ADNP2: variants seen among roughly 807,000 people sequenced by gnomAD.
ADNP2 encodes the protein ADNP homeobox 2, also known as activity-dependent neuroprotector homeobox protein 2.
Under a neutral mutation model 16.4 loss-of-function variants are expected in ADNP2, and 8 were observed. The ratio of observed to expected loss-of-function variants is 0.49; its 90% CI spans 0.29 to 0.88. ADNP2 has a LOEUF of 0.88. ADNP2 is among the 40% of genes least tolerant of loss of function. The probability of loss-of-function intolerance (pLI) is 0.09; values close to 1 mark genes in which losing one functional copy is unlikely to be tolerated. For synonymous variants in ADNP2, 637 were observed against 545.8 expected, an observed-to-expected ratio of 1.17 and a Z score of -2.33; for missense variants, 1,397 against 1,395.1, an observed-to-expected ratio of 1.00 and a Z score of -0.02.
chr18:80,139,856 A>G lies in ADNP2; in HGVS notation c.*1047A>G, dbSNP rs1281736996. 3 of 152,222 alleles carry G rather than the reference A, an allele frequency of 2.0e-5. No homozygotes were observed. The highest frequency in any genetic ancestry group is 7.2e-5 in the African/African-American group (3 of 41,442). 9.4% of individuals were successfully genotyped at this position (152,222 alleles called of 1,614,324 possible). A position where few individuals can be genotyped will look rare whatever the true frequency, so the allele number is the denominator to read the frequency against. On this transcript the variant is annotated 3_prime_UTR_variant, in exon 4 of 4. Transcript: ENST00000262198. ...TCTTTGACCACATTTTCTGAAGGTC[A>G]TGTTTAGTGGAGAAACGGGCTTTTC...
intron 1 of ADNP2, among the ~76,000 whole-genome samples, chr18:80,115,151 A>G (rs2052381229): frequency 6.6e-6 from 1 of 152,168 alleles, no homozygotes; most frequent in Non-Finnish European, 1.5e-5. Context: ...GTGTGTTTGG[A>G]AAATTCACTT....
chr18:80,136,037 G>A lies in ADNP2; in HGVS notation c.624G>A (p.Lys208=). 2 of 1,614,224 alleles carry A rather than the reference G, an allele frequency of 1.2e-6. No homozygotes were observed. The highest frequency in any genetic ancestry group is 8.5e-7 in the Non-Finnish European group (1 of 1,180,058). The change falls in exon 4 of 4, where the codon AAG becomes AAA. Residue 208 remains lysine, a synonymous_variant. Coordinates refer to ENST00000262198, the MANE Select transcript of ADNP2 (RefSeq NM_014913.4). ...PKTNDTVSIE[K]IPPPDKYYCK... Reference sequence around the variant, plus strand: ...CTAACGATACTGTTTCTATAGAGAAGATCCCACCACCTGACAAATATTACT... The same window carrying A: ...CTAACGATACTGTTTCTATAGAGAAAATCCCACCACCTGACAAATATTACT...
chr18:80,126,753 A>G (rs182105808), intron 2 of ADNP2, among the ~76,000 whole-genome samples: 1 of 152,194 alleles, frequency 6.6e-6, no homozygotes, highest in Admixed American at 6.5e-5. Context: ...TCAGATTTGG[A>G]AAATTTTGTG....
intron 2 of ADNP2, among the ~76,000 whole-genome samples, chr18:80,119,078 T>A (rs981679505): frequency 6.6e-6 from 1 of 152,232 alleles, no homozygotes; most frequent in African/African-American, 2.4e-5. Flanking sequence ...TATAGATTTT[T>A]AAAAACGGGA....
chr18:80,139,022 G>A lies in ADNP2; in HGVS notation c.*213G>A, dbSNP rs1171527930. The A allele has an allele frequency of 2.4e-6, 1 of 417,656 alleles. No individual in the cohort carries two copies. The highest frequency in any genetic ancestry group is 2.0e-5 in the African/African-American group (1 of 48,804). 25.9% of individuals were successfully genotyped at this position (417,656 alleles called of 1,614,324 possible). Reference sequence around the variant, plus strand: ...GTTTCCTGCAGTTTGATTTGTAACAGAACAGTTGTTTTCAGGTTTTTTTCT... The same window carrying A: ...GTTTCCTGCAGTTTGATTTGTAACAAAACAGTTGTTTTCAGGTTTTTTTCT... On this transcript the variant is annotated 3_prime_UTR_variant, in exon 4 of 4. Coordinates refer to ENST00000262198, the MANE Select transcript of ADNP2 (RefSeq NM_014913.4).
At chr18:80,119,733 T>C (rs906301442) in intron 2 of ADNP2, among the ~76,000 whole-genome samples, 4 of 152,236 alleles carry the variant, frequency 2.6e-5, no homozygotes, top group African/African-American at 9.6e-5. Flanking sequence ...AGAAACTCTT[T>C]AGGAGTTGTT....
intron 2 of ADNP2, among the ~76,000 whole-genome samples, chr18:80,119,461 TAG>T (rs372823423): frequency 6.6e-5 from 10 of 150,696 alleles, no homozygotes; most frequent in African/African-American, 2.4e-4. Context: ...ACCAACCCTG[TAG>T]AGAGAAAGAA....
At chr18:80,126,564 T>G (rs2052460341) in intron 2 of ADNP2, among the ~76,000 whole-genome samples, 1 of 152,208 alleles carries the variant, frequency 6.6e-6, no homozygotes, top group African/African-American at 2.4e-5. Flanking sequence ...TTTTTATATT[T>G]TAAAGATTTC....
At chr18:80,132,125 G>T (rs113039055) in intron 2 of ADNP2, among the ~76,000 whole-genome samples, 14 of 152,230 alleles carry the variant, frequency 9.2e-5, no homozygotes, top group Admixed American at 3.9e-4. Flanking sequence ...TTGTTGGGAG[G>T]TCTCCTCTGT....
intron 1 of ADNP2, among the ~76,000 whole-genome samples, chr18:80,113,901 C>T (rs184516598): frequency 6.6e-6 from 1 of 152,006 alleles, no homozygotes; most frequent in African/African-American, 2.4e-5. Context: ...CCTTAAAAAT[C>T]ATGAGAGAGC....
chr18:80,138,325 A>T lies in ADNP2; in HGVS notation c.2912A>T (p.Asp971Val). 1 of 1,614,158 alleles carries T rather than the reference A, an allele frequency of 6.2e-7. No individual in the cohort carries two copies. Among genetic ancestry groups the T allele is most frequent in the Non-Finnish European group, 8.5e-7 (1 of 1,180,044 alleles). Residue 971 changes from aspartate to valine, a missense_variant, in exon 4 of 4, where the codon GAT becomes GTT. Around this residue, in one of 3 missense-constraint regions of ADNP2, gnomAD observed 611 missense variants for 648.7 expected, o/e 0.94. Coordinates refer to ENST00000262198, the MANE Select transcript of ADNP2 (RefSeq NM_014913.4). ...TTAGTCAGTGGTGAAGTGATGCATG[A>T]TTCCAGTTTTTCTGTTAAGAGAAAG... ...LLLVSGEVMH[D>V]SSFSVKRKLP... is the part of the protein sequence containing the mutation.
In ADNP2 at chr18:80,135,797, T is replaced by C. The variant is rs1364397459; in HGVS notation, c.384T>C (p.His128=). The part of the protein sequence containing the change: ...KVVGRHFRMF[H]APVRKVQNYT... The stretch of plus-strand genomic sequence containing the variant: ...TGGGAAGGCACTTCAGAATGTTCCA[T>C]GCACCTGTCCGGAAAGTCCAGAACT... The change falls in exon 4 of 4, where the codon CAT becomes CAC. Residue 128 remains histidine, a synonymous_variant. Coordinates refer to ENST00000262198, the MANE Select transcript of ADNP2 (RefSeq NM_014913.4). 2 of 1,614,122 alleles carry C rather than the reference T, an allele frequency of 1.2e-6. No individual in the cohort carries two copies. The highest frequency in any genetic ancestry group is 8.5e-7 in the Non-Finnish European group (1 of 1,180,054).
At chr18:80,125,577 A>T (rs1457762549) in intron 2 of ADNP2, among the ~76,000 whole-genome samples, 1 of 152,004 alleles carries the variant, frequency 6.6e-6, no homozygotes, top group African/African-American at 2.4e-5. Flanking sequence ...TGGGAGGTGG[A>T]GCTTGCAGTG....
At chr18:80,131,132 C>T (rs1333888214) in intron 2 of ADNP2, among the ~76,000 whole-genome samples, 1 of 152,150 alleles carries the variant, frequency 6.6e-6, no homozygotes, top group Non-Finnish European at 1.5e-5. Context: ...GGAAGTCAGC[C>T]GTTGAACCCC....
At chr18:80,123,176 C>T (rs1009612591) in intron 2 of ADNP2, among the ~76,000 whole-genome samples, 40 of 152,144 alleles carry the variant, frequency 2.6e-4, no homozygotes, top group Admixed American at 1.5e-3. Flanking sequence ...AATGCACTCA[C>T]TTGGTCGTGG....
Position 80,109,336 on chromosome 18 carries a change from GGCGGGGGTCCCGCCGC to G in ADNP2, c.-143_-128del, listed in dbSNP as rs938750535. On this transcript the variant is annotated 5_prime_UTR_variant, in exon 1 of 4. Transcript: ENST00000262198. The stretch of plus-strand genomic sequence containing the variant: ...CGCGCTGGGGGTGGGCGCGCGCTGA[GGCGGGGGTCCCGCCGC>G]GCGGGGCGGAGGCGCGGGCGGGCGC... 6.6e-5 allele frequency: 10 copies of G among 150,636 alleles called. No homozygotes were observed. The highest frequency in any genetic ancestry group is 2.4e-4 in the African/African-American group (10 of 41,374). 9.3% of individuals were successfully genotyped at this position (150,636 alleles called of 1,614,324 possible). A position where few individuals can be genotyped will look rare whatever the true frequency, so the allele number is the denominator to read the frequency against.
In ADNP2 at chr18:80,137,260, C is replaced by T; in HGVS notation, c.1847C>T (p.Thr616Met). The T allele has an allele frequency of 8.1e-6, 13 of 1,614,188 alleles. No individual in the cohort carries two copies. Among genetic ancestry groups the T allele is most frequent in the Non-Finnish European group, 1.0e-5 (12 of 1,180,040 alleles). Reference sequence around the variant, plus strand: ...CAAGTGAATGGGATTCCAACCTACACGCTGGCCCCCGTGTCTGTCACTCTG... The same window carrying T: ...CAAGTGAATGGGATTCCAACCTACATGCTGGCCCCCGTGTCTGTCACTCTG... ...GKQVNGIPTY[T>M]LAPVSVTLPV... The change falls in exon 4 of 4, where the codon ACG becomes ATG. Residue 616 changes from threonine (T) to methionine (M), a missense_variant. Physicochemically the swap from Thr to Met is moderately conservative, Grantham distance 81. This residue lies in a region of ADNP2 where 611 missense variants were observed against 648.7 expected (regional missense o/e 0.94). Coordinates refer to ENST00000262198, the MANE Select transcript of ADNP2 (RefSeq NM_014913.4). This position sits in a 1 kb window ranked among gnomAD's most constrained non-coding sequence, Gnocchi z 4.2.
intron 2 of ADNP2, among the ~76,000 whole-genome samples, chr18:80,130,659 A>G (rs1291855629): frequency 6.6e-6 from 1 of 152,168 alleles, no homozygotes; most frequent in African/African-American, 2.4e-5. Context: ...GCCGCCCTGC[A>G]CTTCATCAGG....
rs375169508 is a variant in ADNP2 at position 80,117,551 on chromosome 18, A to G, written c.9A>G (p.Gln3=). The G allele has an allele frequency of 4.4e-6, 7 of 1,592,254 alleles. No individual in the cohort carries two copies. The highest frequency in any genetic ancestry group is 1.7e-4 in the Middle Eastern group (1 of 6,030). The change falls in exon 2 of 4, where the codon CAA becomes CAG. Residue 3 remains glutamine (Q), a synonymous_variant. Transcript: ENST00000262198. MF[Q]IPVENLDNIR... is the part of the protein sequence containing the mutation. Reference sequence around the variant, plus strand: ...TAAGGAAAATTTCAAAAATGTTTCAAATTCCTGTGGAAAATCTTGACAACA... The same window carrying G: ...TAAGGAAAATTTCAAAAATGTTTCAGATTCCTGTGGAAAATCTTGACAACA...
Sources: gnomAD v4.1 joint callset for allele counts (sites outside exome capture counted in the v4.1 genomes callset) on GRCh38, gnomAD v4.1.1 for gene constraint, gnomAD v4.1.1 regional missense constraint, Gnocchi (gnomAD v3.1) non-coding constraint, MANE v1.5 for transcripts, NCBI Gene and HGNC (gene_info 2026-07-23, HGNC 2026-07-21) for gene names.